The following CDH20 variants were observed in gnomAD, a reference collection of about 807,000 sequenced individuals.
The protein encoded by CDH20 is cadherin 20.
A neutral mutation model predicts 74.2 loss-of-function variants in CDH20; 29 were observed. The ratio of observed to expected loss-of-function variants is 0.39; its 90% confidence interval spans 0.29 to 0.53. The LOEUF (loss-of-function observed/expected upper bound fraction) is 0.53. Ranked by LOEUF, CDH20 falls within the 20% of genes least tolerant of loss-of-function variation. The pLI is 0.69. For synonymous variants in CDH20, 469 were observed against 405.4 expected, an observed-to-expected ratio of 1.16 and a Z score of -1.88; for missense variants, 988 against 1,048.3, an observed-to-expected ratio of 0.94 and a Z score of 0.79.
chr18:61,351,333 G>A (rs1270071094), intron 1 of CDH20, among the ~76,000 whole-genome samples: 1 of 152,112 alleles, frequency 6.6e-6, no homozygotes, highest in Non-Finnish European at 1.5e-5. Flanking sequence ...TCAGGTGGGG[G>A]TTCAGCCATG....
intron 1 of CDH20, among the ~76,000 whole-genome samples, chr18:61,377,473 G>A (rs534418906): frequency 3.3e-5 from 5 of 151,544 alleles, no homozygotes; most frequent in Admixed American, 2.6e-4. Flanking sequence ...CCTCATAAGT[G>A]GCCAGCCTCT....
intron 7 of CDH20, 128 bp downstream of exon 7, chr18:61,528,348 T>G: frequency 1.0e-6 from 1 of 992,022 alleles, no homozygotes; most frequent in Non-Finnish European, 1.5e-6. Flanking sequence ...CCTCTTTGAG[T>G]TTTTTGTGTT....
chr18:61,521,614 CA>C (rs970024381), intron 6 of CDH20, among the ~76,000 whole-genome samples: 1 of 151,232 alleles, frequency 6.6e-6, no homozygotes, highest in Non-Finnish European at 1.5e-5. Context: ...GGCAGAGACA[CA>C]ACAAAAAAAG....
rs532967080 is a variant in CDH20, at chr18:61,540,825, C to T, written c.1530+1680C>T. On this transcript the variant is annotated intron_variant, in intron 9 of 11. Coordinates refer to ENST00000262717, the MANE Select transcript of CDH20 (RefSeq NM_031891.4). The stretch of plus-strand genomic sequence containing the variant: ...CTGAACTCACCAAAGATGGACTCGA[C>T]GACACATCTTTACCATTTACTCAGC... Among the ~76,000 whole-genome samples, 78 of 152,274 alleles carry T rather than the reference C, an allele frequency of 5.1e-4. 1 individual carries two copies. The highest frequency in any genetic ancestry group is 1.9e-3 in the South Asian group (9 of 4,814).
In CDH20 at chr18:61,423,574, CT is replaced by C. The variant is rs960938415; in HGVS notation, c.-152-66818del. Among the ~76,000 whole-genome samples, 176 of 149,020 alleles carry C rather than the reference CT, an allele frequency of 1.2e-3. 1 individual carries two copies. The highest frequency in any genetic ancestry group is 3.6e-3 in the African/African-American group (146 of 40,672). On this transcript the variant is annotated intron_variant, in intron 1 of 11. Transcript: ENST00000262717. ...CCAGGCTGACTCTCTCTGGAAATTTCTTTTTTTTTTCTTTTTAATTTAATAG... is the reference window on the plus strand; with the variant it reads ...CCAGGCTGACTCTCTCTGGAAATTTCTTTTTTTTTCTTTTTAATTTAATAG...
intron 6 of CDH20, among the ~76,000 whole-genome samples, chr18:61,522,082 G>T (rs1033549940): frequency 1.3e-5 from 2 of 152,178 alleles, no homozygotes; most frequent in African/African-American, 4.8e-5. Flanking sequence ...AATTGGGCAA[G>T]ATAAAGAAAT....
intron 1 of CDH20, among the ~76,000 whole-genome samples, chr18:61,358,014 C>A (rs1395983397): frequency 1.3e-5 from 2 of 152,122 alleles, no homozygotes; most frequent in East Asian, 3.9e-4. Flanking sequence ...GATTTCTGCA[C>A]AAATCGTCAA....
Position 61,490,546 on chromosome 18 carries a change from G to A in CDH20, c.-8G>A. Reference sequence around the variant, plus strand: ...TTCTCCTTCATTTTCTGAAAACCTGGCAATCCCATGTGGACTTCTGGTAGA... The same window carrying A: ...TTCTCCTTCATTTTCTGAAAACCTGACAATCCCATGTGGACTTCTGGTAGA... On this transcript the variant is annotated 5_prime_UTR_variant, in exon 2 of 12. Coordinates refer to ENST00000262717, the MANE Select transcript of CDH20 (RefSeq NM_031891.4). 4.3e-6 allele frequency: 7 copies of A among 1,610,026 alleles called. No homozygotes were observed. Among genetic ancestry groups the A allele is most frequent in the South Asian group, 1.1e-5 (1 of 90,882 alleles).
At chr18:61,529,400 C>A (rs541078320) in intron 7 of CDH20, among the ~76,000 whole-genome samples, 1 of 152,312 alleles carries the variant, frequency 6.6e-6, no homozygotes, top group African/African-American at 2.4e-5. Flanking sequence ...ATACTAGGGG[C>A]AAATTCACTT....
At chr18:61,370,693 A>G (rs1258423963) in intron 1 of CDH20, among the ~76,000 whole-genome samples, 3 of 152,074 alleles carry the variant, frequency 2.0e-5, no homozygotes, top group Admixed American at 2.0e-4. Flanking sequence ...ACAACACAGG[A>G]TTATTAACTG....
chr18:61,367,774 G>T (rs2144148397), intron 1 of CDH20, among the ~76,000 whole-genome samples: 1 of 152,232 alleles, frequency 6.6e-6, no homozygotes, highest in Non-Finnish European at 1.5e-5. Context: ...AATTTTGGAG[G>T]TTAGAAGTCC....
chr18:61,515,933 ATT>A (rs112645613), intron 6 of CDH20, among the ~76,000 whole-genome samples: 27 of 47,464 alleles, frequency 5.7e-4, no homozygotes, highest in African/African-American at 1.0e-3. Context: ...TATAATAATA[ATT>A]TTAAAAAAAA....
intron 3 of CDH20, 99 bp from the exon 4 acceptor site, chr18:61,500,284 G>C (rs956093045): frequency 7.7e-7 from 1 of 1,295,436 alleles, no homozygotes; most frequent in African/African-American, 1.5e-5. Flanking sequence ...TCCCAATGAA[G>C]CAAACACATT....
At chr18:61,459,004 ACTT>A (rs983716857) in intron 1 of CDH20, among the ~76,000 whole-genome samples, 15 of 152,166 alleles carry the variant, frequency 9.9e-5, no homozygotes, top group African/African-American at 1.7e-4. Flanking sequence ...GTGTTAAGAA[ACTT>A]CTTTTTAATA....
At chr18:61,447,851 T>G (rs922060202) in intron 1 of CDH20, among the ~76,000 whole-genome samples, 12 of 152,178 alleles carry the variant, frequency 7.9e-5, no homozygotes, top group Admixed American at 3.3e-4. Context: ...TAGCCTCCTC[T>G]TTTCAGTAAC....
At chr18:61,518,401 A>G (rs968281157) in intron 6 of CDH20, among the ~76,000 whole-genome samples, 1 of 151,646 alleles carries the variant, frequency 6.6e-6, no homozygotes, top group Non-Finnish European at 1.5e-5. Context: ...CCCCTCTGTG[A>G]AGAAGCTTCA....
chr18:61,525,453 A>T (rs549474503), intron 6 of CDH20, among the ~76,000 whole-genome samples: 1 of 152,228 alleles, frequency 6.6e-6, no homozygotes, highest in Non-Finnish European at 1.5e-5. Flanking sequence ...GTTTCGATTT[A>T]GGGAGCAAGC....
intron 1 of CDH20, among the ~76,000 whole-genome samples, chr18:61,358,020 G>A (rs918098896): frequency 6.6e-6 from 1 of 151,810 alleles, no homozygotes; most frequent in Admixed American, 6.6e-5. Flanking sequence ...TGCACAAATC[G>A]TCAATTCCTA....
At chr18:61,553,680 A>T (rs1441018973) in intron 11 of CDH20, among the ~76,000 whole-genome samples, 1 of 152,224 alleles carries the variant, frequency 6.6e-6, no homozygotes, top group Non-Finnish European at 1.5e-5. Flanking sequence ...GTGTGTCTCT[A>T]TGCATATTAA....
Sources: gnomAD v4.1 joint callset for allele counts (sites outside exome capture counted in the v4.1 genomes callset) on GRCh38, gnomAD v4.1.1 for gene constraint, MANE v1.5 for transcripts, NCBI Gene and HGNC (gene_info 2026-07-23, HGNC 2026-07-21) for gene names.